Variants in FBXO25 observed in about 807,000 individuals in gnomAD.
FBXO25 encodes the protein F-box only protein 25.
Under a neutral mutation model 51.9 loss-of-function variants are expected in FBXO25, and 45 were observed. The observed-to-expected ratio is 0.87, with a 90% CI of 0.68 to 1.11. The LOEUF is 1.11. FBXO25 is among the 50% of genes most tolerant of loss of function. The probability of loss-of-function intolerance (pLI) is 0.00; values close to 1 mark genes in which losing one functional copy is unlikely to be tolerated. For synonymous variants in FBXO25, 199 were observed against 151.0 expected (o/e 1.32, Z -2.33); for missense variants, 507 against 428.5 (o/e 1.18, Z -1.62).
chr8:416,836 A>G (rs538936074), intron 2 of FBXO25, among the ~76,000 whole-genome samples: 2 of 152,248 alleles, frequency 1.3e-5, no homozygotes, highest in South Asian at 2.1e-4. Flanking sequence ...TGGAGCTTGC[A>G]TTCTGGTGAA....
chr8:476,886 A>G lies in FBXO25; in HGVS notation c.*8082A>G, dbSNP rs1800660328. The G allele has an allele frequency of 6.6e-6, 1 of 152,080 alleles. No individual in the cohort carries two copies. Among genetic ancestry groups the G allele is most frequent in the South Asian group, 2.1e-4 (1 of 4,822 alleles). 9.4% of individuals were successfully genotyped at this position (152,080 alleles called of 1,614,324 possible). The stretch of plus-strand genomic sequence containing the variant: ...TTCTTTTTCTAGTTCTTTCAGATGT[A>G]AATTTAGGGTTGACTTGAGATCTTA... On this transcript the variant is annotated 3_prime_UTR_variant, in exon 10 of 10. Transcript: ENST00000350302.
chr8:458,177 C>G lies in FBXO25; in HGVS notation c.661-192C>G, dbSNP rs150796925. On this transcript the variant is annotated intron_variant, in intron 7 of 9. Transcript: ENST00000350302. Reference sequence around the variant, plus strand: ...TGGTTCTGTCACGCTGTGCAGCCCTCTCTTGCTCTCCTCCTCCAGCCTTCC... The same window carrying G: ...TGGTTCTGTCACGCTGTGCAGCCCTGTCTTGCTCTCCTCCTCCAGCCTTCC... Among the ~76,000 whole-genome samples the G allele has an allele frequency of 2.0e-3, 308 of 152,340 alleles. 3 individuals carry two copies. Among genetic ancestry groups the G allele is most frequent in the Middle Eastern group, 6.8e-3 (2 of 294 alleles).
At chr8:435,831 T>G in intron 5 of FBXO25, 124 bp downstream of exon 5, 1 of 1,397,022 alleles carries the variant, frequency 7.2e-7, no homozygotes, top group Middle Eastern at 2.6e-4. Flanking sequence ...TGCTGCGTAT[T>G]AATCAAAAAA....
intron 2 of FBXO25, among the ~76,000 whole-genome samples, chr8:429,530 A>C (rs1357298501): frequency 6.6e-6 from 1 of 152,224 alleles, no homozygotes; most frequent in Admixed American, 6.5e-5. Flanking sequence ...GCAGAATGGA[A>C]AGATTTATAA....
intron 5 of FBXO25, among the ~76,000 whole-genome samples, chr8:442,476 T>A (rs919879978): frequency 1.3e-5 from 2 of 152,140 alleles, no homozygotes; most frequent in Non-Finnish European, 2.9e-5. Context: ...TAGTTTTTTA[T>A]TTTGTATTTT....
chr8:442,252 A>G (rs1199716731), intron 5 of FBXO25, among the ~76,000 whole-genome samples: 2 of 151,510 alleles, frequency 1.3e-5, no homozygotes, highest in African/African-American at 2.4e-5. Context: ...CAAACCAACT[A>G]TTGTATACAT....
chr8:424,487 C>A (rs550939711), intron 2 of FBXO25, among the ~76,000 whole-genome samples: 2 of 152,296 alleles, frequency 1.3e-5, no homozygotes, highest in African/African-American at 4.8e-5. Flanking sequence ...CAGGATCTTA[C>A]AGTTTGAGGT....
chr8:469,007 C>A lies in FBXO25; in HGVS notation c.*203C>A, dbSNP rs1241703294. 18 of 548,738 alleles carry A rather than the reference C, an allele frequency of 3.3e-5. No individual in the cohort carries two copies. The highest frequency in any genetic ancestry group is 7.7e-5 in the African/African-American group (4 of 51,920). 34.0% of individuals were successfully genotyped at this position (548,738 alleles called of 1,614,324 possible). Reference sequence around the variant, plus strand: ...TCAGAGGCCAAGGAAATCATTTCTACTTCTTTAAAAACTCCTTCTAAGCAT... The same window carrying A: ...TCAGAGGCCAAGGAAATCATTTCTAATTCTTTAAAAACTCCTTCTAAGCAT... On this transcript the variant is annotated 3_prime_UTR_variant, in exon 10 of 10. Transcript: ENST00000350302.
chr8:453,755 C>T (rs1309745142), intron 7 of FBXO25, among the ~76,000 whole-genome samples: 1 of 152,140 alleles, frequency 6.6e-6, no homozygotes, highest in Admixed American at 6.5e-5. Flanking sequence ...ATGTCAGCCT[C>T]AGGATATAGG....
chr8:435,729 C>T (rs1331421678), intron 5 of FBXO25, 22 bp downstream of exon 5: 2 of 1,561,000 alleles, frequency 1.3e-6, no homozygotes, highest in Admixed American at 4.2e-5. Context: ...ATTTCAAAAA[C>T]TACTTTGATG....
At chr8:434,316 G>T (rs1436394776) in intron 4 of FBXO25, among the ~76,000 whole-genome samples, 1 of 152,182 alleles carries the variant, frequency 6.6e-6, no homozygotes, top group Non-Finnish European at 1.5e-5. Context: ...TTAATTTCCT[G>T]TTGTAAGATG....
chr8:449,771 CAG>C (rs1327290931), intron 5 of FBXO25, among the ~76,000 whole-genome samples: 1 of 152,174 alleles, frequency 6.6e-6, no homozygotes, highest in Non-Finnish European at 1.5e-5. Flanking sequence ...GACTAGAAGA[CAG>C]AGCTGTAGGC....
chr8:432,526 G>C (rs965142393), intron 3 of FBXO25, among the ~76,000 whole-genome samples: 1 of 152,150 alleles, frequency 6.6e-6, no homozygotes, highest in African/African-American at 2.4e-5. Flanking sequence ...TGAAAAATTT[G>C]TTTCTATGGA....
At chr8:411,538 T>C (rs1467469667) in intron 1 of FBXO25, among the ~76,000 whole-genome samples, 2 of 152,228 alleles carry the variant, frequency 1.3e-5, no homozygotes, top group Non-Finnish European at 2.9e-5. Context: ...AGTCTAACTC[T>C]CTTCTGAACC....
Position 473,742 on chromosome 8 carries a change from C to CCTGT in FBXO25, c.*4940_*4941insGTCT, listed in dbSNP as rs1202635692. 1.0e-5 allele frequency: 1 copy of CCTGT among 98,014 alleles called. No homozygotes were observed. The highest frequency in any genetic ancestry group is 2.1e-5 in the Non-Finnish European group (1 of 47,068). The allele number at this position is 98,014 out of a possible 1,614,324, so 6.1% of individuals were successfully genotyped here. On this transcript the variant is annotated 3_prime_UTR_variant, in exon 10 of 10. Transcript: ENST00000350302. ...GTTTCTTTGAAATGCTCTTGTTCTT[C>CCTGT]CTAAGTAAGGGAGAGCAAAAAAAAT...
At chr8:449,948 A>C (rs1798974141) in intron 5 of FBXO25, 42 bp from the exon 6 acceptor site, 1 of 1,334,900 alleles carries the variant, frequency 7.5e-7, no homozygotes, top group Non-Finnish European at 1.1e-6. Flanking sequence ...ATTCCATATT[A>C]AATATATATA....
In FBXO25 at chr8:430,984, A is replaced by G. The variant is rs147073146; in HGVS notation, c.135-357A>G. Among the ~76,000 whole-genome samples, 162 of 152,298 alleles carry G rather than the reference A, an allele frequency of 1.1e-3. 2 individuals are homozygous for G. The highest frequency in any genetic ancestry group is 6.8e-3 in the Middle Eastern group (2 of 294). On this transcript the variant is annotated intron_variant, in intron 2 of 9. Coordinates refer to ENST00000350302, the MANE Select transcript of FBXO25 (RefSeq NM_183420.2). Reference sequence around the variant, plus strand: ...GCATGGGGAAGGTATACAGCAAGTCATTGGTCAGTATTGGGTATCATCATA... The same window carrying G: ...GCATGGGGAAGGTATACAGCAAGTCGTTGGTCAGTATTGGGTATCATCATA...
intron 2 of FBXO25, among the ~76,000 whole-genome samples, chr8:415,266 C>G (rs192311947): frequency 1.3e-5 from 2 of 152,162 alleles, no homozygotes; most frequent in African/African-American, 4.8e-5. Context: ...TGAAAATAGG[C>G]CTTTAGTATC....
chr8:454,511 C>T (rs1436741347), intron 7 of FBXO25, among the ~76,000 whole-genome samples: 1 of 152,152 alleles, frequency 6.6e-6, no homozygotes, highest in Non-Finnish European at 1.5e-5. Flanking sequence ...TGATGTGTCA[C>T]AGAACTCAGT....
Sources: allele counts gnomAD v4.1 joint callset (sites outside exome capture counted in the v4.1 genomes callset), GRCh38; gene constraint gnomAD v4.1.1; transcripts MANE v1.5; gene names NCBI Gene and HGNC (gene_info 2026-07-23, HGNC 2026-07-21).